The following MYO1D variants were observed in gnomAD, a reference collection of about 807,000 sequenced individuals.
MYO1D encodes myosin ID, also known as unconventional myosin-Id.
MYO1D carries 83 observed loss-of-function variants against 122.0 expected under a neutral mutation model. The observed-to-expected ratio is 0.68, with a 90% confidence interval of 0.57 to 0.82. The LOEUF (loss-of-function observed/expected upper bound fraction) is 0.82. Ranked by LOEUF, MYO1D falls within the 40% of genes least tolerant of loss-of-function variation. The probability of loss-of-function intolerance (pLI) is 0.00; values close to 1 mark genes in which losing one functional copy is unlikely to be tolerated. For synonymous variants in MYO1D, 464 were observed against 446.9 expected (o/e 1.04, Z -0.48); for missense variants, 1,157 against 1,269.5 (o/e 0.91, Z 1.35).
intron 21 of MYO1D, among the ~76,000 whole-genome samples, chr17:32,535,994 A>G (rs149886397): frequency 1.3e-3 from 195 of 152,292 alleles, no homozygotes; most frequent in Non-Finnish European, 2.0e-3. Flanking sequence ...CAGACAGACA[A>G]GAGTTATGGG....
chr17:32,863,261 T>C (rs2091093728), intron 1 of MYO1D, among the ~76,000 whole-genome samples: 1 of 152,200 alleles, frequency 6.6e-6, no homozygotes, highest in Admixed American at 6.5e-5. Context: ...AGTAGCACCT[T>C]ACCTACTTAG....
chr17:32,678,510 T>A (rs1238481673), intron 16 of MYO1D, among the ~76,000 whole-genome samples: 2 of 150,472 alleles, frequency 1.3e-5, no homozygotes, highest in African/African-American at 2.5e-5. Flanking sequence ...TATGCGGTGT[T>A]TGGTTTTTTG....
chr17:32,815,956 T>A (rs1398748848), intron 1 of MYO1D, among the ~76,000 whole-genome samples: 1 of 152,252 alleles, frequency 6.6e-6, no homozygotes, highest in African/African-American at 2.4e-5. Context: ...ACTTCTGGGC[T>A]TATAAACAAA....
intron 19 of MYO1D, among the ~76,000 whole-genome samples, chr17:32,648,583 C>T (rs76756656): frequency 5.3e-5 from 8 of 152,264 alleles, no homozygotes; most frequent in East Asian, 1.9e-4. Flanking sequence ...TTAACCTTCA[C>T]GGAGGGGAGA....
chr17:32,772,970 G>A (rs1283899470), intron 4 of MYO1D, 128 bp from the exon 5 acceptor site: 1 of 721,160 alleles, frequency 1.4e-6, no homozygotes, highest in Non-Finnish European at 2.5e-6. Flanking sequence ...ATGGCCTGAA[G>A]CAACTGAAGA....
intron 21 of MYO1D, among the ~76,000 whole-genome samples, chr17:32,568,357 T>C (rs1597902729): frequency 6.6e-6 from 1 of 152,210 alleles, no homozygotes; most frequent in Admixed American, 6.5e-5. Context: ...GTTTAGAATA[T>C]GGTTAGTTTT....
At chr17:32,838,153 A>T (rs562519469) in intron 1 of MYO1D, among the ~76,000 whole-genome samples, 2 of 152,246 alleles carry the variant, frequency 1.3e-5, no homozygotes, top group South Asian at 4.1e-4. Flanking sequence ...ATGTCAAACT[A>T]TATTCTTAAA....
Position 32,772,654 on chromosome 17 carries a change from G to A in MYO1D, c.618+135C>T, listed in dbSNP as rs528849106. 1.4e-4 allele frequency: 104 copies of A among 726,510 alleles called. 1 individual carries two copies. Among genetic ancestry groups the A allele is most frequent in the South Asian group, 1.0e-3 (66 of 63,328 alleles). The allele number at this position is 726,510 out of a possible 1,614,324, so 45.0% of individuals were successfully genotyped here. A position where few individuals can be genotyped will look rare whatever the true frequency, so the allele number is the denominator to read the frequency against. On this transcript the variant is annotated intron_variant, in intron 5 of 21. Coordinates refer to ENST00000318217, the MANE Select transcript of MYO1D (RefSeq NM_015194.3). ...GGCAGGGCATGTGGTGCGTGCGTGC[G>A]TGCGTGCATGCGTGACATGTTACGG...
intron 1 of MYO1D, chr17:32,794,329 T>C (rs886273172): frequency 4.6e-5 from 7 of 152,164 alleles, no homozygotes; most frequent in Non-Finnish European, 1.0e-4. Context: ...CCAGAAGATG[T>C]GGTCAGGAGA....
chr17:32,869,784 T>A (rs1295304707), intron 1 of MYO1D, among the ~76,000 whole-genome samples: 6 of 151,670 alleles, frequency 4.0e-5, no homozygotes, highest in African/African-American at 1.5e-4. Context: ...AAAAAAAAAA[T>A]TAGCCAGGCT....
At chr17:32,620,308 T>C (rs1257610580) in intron 20 of MYO1D, among the ~76,000 whole-genome samples, 1 of 152,200 alleles carries the variant, frequency 6.6e-6, no homozygotes, top group Non-Finnish European at 1.5e-5. Flanking sequence ...GGTGGAGGGC[T>C]AGGCTTTTCA....
intron 21 of MYO1D, among the ~76,000 whole-genome samples, chr17:32,520,919 T>G (rs537636357): frequency 2.6e-5 from 4 of 152,302 alleles, no homozygotes; most frequent in Admixed American, 2.6e-4. Context: ...GCAGGCGGTA[T>G]TGGGAATGGC....
At chr17:32,747,221 G>C (rs1019757385) in intron 12 of MYO1D, among the ~76,000 whole-genome samples, 1 of 152,104 alleles carries the variant, frequency 6.6e-6, no homozygotes, top group Non-Finnish European at 1.5e-5. Context: ...CATCATTTCA[G>C]CATTTATAGA....
At chr17:32,669,652 C>A (rs1478390650) in intron 16 of MYO1D, among the ~76,000 whole-genome samples, 4 of 152,184 alleles carry the variant, frequency 2.6e-5, no homozygotes, top group Non-Finnish European at 4.4e-5. Flanking sequence ...TGTTTTCCTG[C>A]TCTACAATTT....
At chr17:32,743,332 T>C (rs1170205552) in intron 13 of MYO1D, among the ~76,000 whole-genome samples, 6 of 152,212 alleles carry the variant, frequency 3.9e-5, no homozygotes, top group East Asian at 1.9e-4. Flanking sequence ...ATAGTTGCAA[T>C]TGCTGATTTG....
At chr17:32,865,843 T>C (rs1165507576) in intron 1 of MYO1D, among the ~76,000 whole-genome samples, 1 of 152,150 alleles carries the variant, frequency 6.6e-6, no homozygotes, top group African/African-American at 2.4e-5. Flanking sequence ...GTGGACAAAA[T>C]ATCAAGAGGA....
At chr17:32,648,400 T>C (rs907197960) in intron 19 of MYO1D, among the ~76,000 whole-genome samples, 3 of 152,190 alleles carry the variant, frequency 2.0e-5, no homozygotes, top group Admixed American at 6.6e-5. Flanking sequence ...GGTTATAGAA[T>C]CACCTTTTGT....
intron 1 of MYO1D, among the ~76,000 whole-genome samples, chr17:32,816,581 C>A (rs2090615423): frequency 6.6e-6 from 1 of 152,120 alleles, no homozygotes; most frequent in Non-Finnish European, 1.5e-5. Context: ...CAATAGATTG[C>A]CATGTTTTAA....
chr17:32,766,338 A>G (rs1349977996), intron 7 of MYO1D, among the ~76,000 whole-genome samples: 1 of 152,210 alleles, frequency 6.6e-6, no homozygotes, highest in Non-Finnish European at 1.5e-5. Flanking sequence ...CTGGTGCTGA[A>G]CTTGTGCAAA....
Sources: allele counts gnomAD v4.1 joint callset (sites outside exome capture counted in the v4.1 genomes callset), GRCh38; gene constraint gnomAD v4.1.1; transcripts MANE v1.5; gene names NCBI Gene and HGNC (gene_info 2026-07-23, HGNC 2026-07-21).